Variants in EYS observed in about 807,000 individuals in gnomAD.
The protein encoded by EYS is EGF-like photoreceptor maintenance factor.
In EYS, 250 loss-of-function variants were observed where a neutral mutation model predicts 282.1. That is an observed-to-expected ratio of 0.89 (90% CI 0.80 to 0.98). EYS has a LOEUF of 0.98. Among genes scored for constraint, EYS ranks in the 50% least tolerant of loss-of-function variants. EYS has a pLI of 0.00. For missense variants in EYS, 4,016 were observed against 3,709.0 expected (o/e 1.08, Z -2.15); for synonymous variants, 1,355 against 1,282.9 (o/e 1.06, Z -1.20).
At chr6:64,530,716 C>T (rs1204218720) in intron 26 of EYS, among the ~76,000 whole-genome samples, 2 of 152,014 alleles carry the variant, frequency 1.3e-5, no homozygotes, top group Non-Finnish European at 2.9e-5. Context: ...TATTGTTAAG[C>T]TTCTAATAAT....
In EYS at chr6:63,771,939, T is replaced by C. The variant is rs147135097; in HGVS notation, c.7898+6067A>G. ...CTGTTGTCTTTTAATATAACCATAG[T>C]TGTCTTTGTTAACATTCTTGCTTTT... On this transcript the variant is annotated intron_variant, in intron 40 of 42. Coordinates refer to ENST00000503581, the MANE Select transcript of EYS (RefSeq NM_001142800.2). 2.0e-5 allele frequency among the ~76,000 whole-genome samples: 3 copies of C among 152,292 alleles called. No individual in the cohort carries two copies. The East Asian group carries it at 5.8e-4, about 29-fold the overall frequency.
chr6:64,979,514 G>T (rs1770583850), intron 14 of EYS, among the ~76,000 whole-genome samples: 1 of 151,590 alleles, frequency 6.6e-6, no homozygotes, highest in Admixed American at 6.6e-5. Context: ...ATTACACTTT[G>T]CACTACTTTT....
intron 31 of EYS, among the ~76,000 whole-genome samples, chr6:64,124,649 T>C (rs1021577596): frequency 6.6e-6 from 1 of 152,212 alleles, no homozygotes; most frequent in African/African-American, 2.4e-5. Flanking sequence ...CAGCTTGTTG[T>C]AGAGCATGGC....
chr6:65,415,322 A>T (rs1767187297), intron 5 of EYS, among the ~76,000 whole-genome samples: 1 of 152,090 alleles, frequency 6.6e-6, no homozygotes, highest in South Asian at 2.1e-4. Context: ...AACTGAAGGC[A>T]AATCCAATTT....
At chr6:63,938,346 A>C (rs1030928139) in intron 35 of EYS, among the ~76,000 whole-genome samples, 4 of 152,194 alleles carry the variant, frequency 2.6e-5, no homozygotes, top group Non-Finnish European at 5.9e-5. Flanking sequence ...CAGGATTATT[A>C]GTACTGTGCT....
In EYS at chr6:65,106,128, C is replaced by G. The variant is rs1438927898; in HGVS notation, c.2024-48401G>C. On this transcript the variant is annotated intron_variant, in intron 12 of 42. Coordinates refer to ENST00000503581, the MANE Select transcript of EYS (RefSeq NM_001142800.2). Reference sequence around the variant, plus strand: ...GACCTTTCATTGGAGAAAAATTAGACACAAAGAAACTCTTACGCAGTATGG... The same window carrying G: ...GACCTTTCATTGGAGAAAAATTAGAGACAAAGAAACTCTTACGCAGTATGG... Among the ~76,000 whole-genome samples the G allele has an allele frequency of 3.3e-5, 5 of 151,978 alleles. No individual in the cohort carries two copies. In the East Asian group the frequency reaches 7.8e-4, roughly 24 times the overall value.
intron 7 of EYS, among the ~76,000 whole-genome samples, chr6:65,401,184 G>T (rs188623865): frequency 1.1e-3 from 164 of 151,906 alleles, no homozygotes; most frequent in African/African-American, 3.7e-3. Context: ...TAAAAGCACT[G>T]AAGTCAAGTC....
At chr6:65,211,243 T>A (rs1250702953) in intron 12 of EYS, among the ~76,000 whole-genome samples, 1 of 152,072 alleles carries the variant, frequency 6.6e-6, no homozygotes, top group Non-Finnish European at 1.5e-5. Flanking sequence ...AGGAAAGGGC[T>A]TGTGTTGGTG....
chr6:64,190,652 T>C (rs528223043), intron 31 of EYS, among the ~76,000 whole-genome samples: 92 of 152,238 alleles, frequency 6.0e-4, no homozygotes, highest in Non-Finnish European at 1.1e-3. Context: ...ATCTTTCCAT[T>C]TGTGACAGCG....
At position 64,081,879 on chromosome 6, in the gene EYS, CTGTT is replaced by C. The variant is rs1488052513; in HGVS notation, c.6544_6547del (p.Asn2182ValfsTer2). The C allele has an allele frequency of 2.6e-6, 4 of 1,538,394 alleles. No individual in the cohort carries two copies. Among genetic ancestry groups the C allele is most frequent in the Middle Eastern group, 1.7e-4 (1 of 5,952 alleles). ...ACTGTAAAGAATAGTTCCATTTAAA[CTGTT>C]TGTTTTTATAGTCAAGTAGATGGTA... On this transcript the variant is annotated frameshift_variant, in exon 32 of 43. Coordinates refer to ENST00000503581, the MANE Select transcript of EYS (RefSeq NM_001142800.2). LOFTEE classifies it high-confidence loss of function.
intron 33 of EYS, among the ~76,000 whole-genome samples, chr6:64,060,293 T>C (rs769241492): frequency 1.3e-5 from 2 of 152,172 alleles, no homozygotes; most frequent in African/African-American, 2.4e-5. Context: ...GATATTCTTT[T>C]TTCTTAAATG....
chr6:64,620,575 G>A (rs909206411), intron 23 of EYS, among the ~76,000 whole-genome samples: 51 of 152,304 alleles, frequency 3.3e-4, no homozygotes, highest in African/African-American at 9.6e-4. Flanking sequence ...TGGATACTGA[G>A]TGTCAATCAT....
chr6:63,979,529 G>A (rs1766995183), intron 35 of EYS, among the ~76,000 whole-genome samples: 2 of 151,908 alleles, frequency 1.3e-5, no homozygotes, highest in Admixed American at 1.3e-4. Flanking sequence ...TTACTGTAAT[G>A]TCAGTGATGT....
chr6:64,841,414 A>T (rs1295761674), intron 19 of EYS, among the ~76,000 whole-genome samples: 2 of 152,180 alleles, frequency 1.3e-5, no homozygotes, highest in Non-Finnish European at 2.9e-5. Context: ...TGCCAAATAT[A>T]AAATAAGAAG....
intron 2 of EYS, among the ~76,000 whole-genome samples, chr6:65,562,673 C>G (rs892101029): frequency 8.6e-5 from 13 of 151,826 alleles, no homozygotes; most frequent in Non-Finnish European, 1.5e-4. Context: ...GGACAGAATG[C>G]CTTCAGTAGA....
intron 15 of EYS, among the ~76,000 whole-genome samples, chr6:64,938,238 T>C (rs2150091280): frequency 6.6e-6 from 1 of 151,778 alleles, no homozygotes; most frequent in East Asian, 1.9e-4. Context: ...ACTAAATCTA[T>C]AGTAGTTCTC....
chr6:64,157,180 G>A (rs186677475), intron 31 of EYS, among the ~76,000 whole-genome samples: 4,255 of 151,760 alleles, frequency 0.028, 65 homozygotes, highest in Non-Finnish European at 0.045. Flanking sequence ...TACTGAGAAT[G>A]ATGATTTCCA....
At chr6:65,506,337 G>A (rs1328323958) in intron 2 of EYS, among the ~76,000 whole-genome samples, 1 of 151,108 alleles carries the variant, frequency 6.6e-6, no homozygotes, top group East Asian at 1.9e-4. Flanking sequence ...CTCTTTCTAT[G>A]TGCTCTGGTT....
intron 33 of EYS, among the ~76,000 whole-genome samples, chr6:64,039,294 A>G (rs1322442113): frequency 6.6e-6 from 1 of 152,214 alleles, no homozygotes; most frequent in Admixed American, 6.5e-5. Context: ...GATGGTTACT[A>G]AAGAAGAAAA....
Sources: allele counts gnomAD v4.1 joint callset (sites outside exome capture counted in the v4.1 genomes callset), GRCh38; gene constraint gnomAD v4.1.1; transcripts MANE v1.5; gene names NCBI Gene and HGNC (gene_info 2026-07-23, HGNC 2026-07-21).